Variants in SLC39A10 observed in about 807,000 individuals in gnomAD.
SLC39A10 encodes the protein solute carrier family 39 member 10, also known as zinc transporter ZIP10.
A neutral mutation model predicts 65.1 loss-of-function variants in SLC39A10; 13 were observed. The ratio of observed to expected loss-of-function variants is 0.20; its 90% CI spans 0.13 to 0.32. The LOEUF is 0.32. Among genes scored for constraint, SLC39A10 ranks in the 10% least tolerant of loss-of-function variants. SLC39A10 has a pLI of 1.00. For synonymous variants in SLC39A10, 321 were observed against 342.2 expected, an observed-to-expected ratio of 0.94 and a Z score of 0.68; for missense variants, 831 against 1,018.4, an observed-to-expected ratio of 0.82 and a Z score of 2.50.
rs185161239 is a variant in SLC39A10 at position 195,666,123 on chromosome 2, A to G, written c.-12+8842A>G. 3.0e-4 allele frequency among the ~76,000 whole-genome samples: 46 copies of G among 152,292 alleles called. No individual in the cohort carries two copies. The East Asian group carries it at 7.9e-3, about 26-fold the overall frequency. ...GAATGTAGCTATATAAGAAAGGGGAATGTGGTCAAGACTCTATGTTCAAGA... is the reference window on the plus strand; with the variant it reads ...GAATGTAGCTATATAAGAAAGGGGAGTGTGGTCAAGACTCTATGTTCAAGA... On this transcript the variant is annotated intron_variant, in intron 1 of 9. Transcript: ENST00000359634.
chr2:195,722,850 C>G (rs1692094529), intron 8 of SLC39A10, among the ~76,000 whole-genome samples: 1 of 152,176 alleles, frequency 6.6e-6, no homozygotes, highest in South Asian at 2.1e-4. Context: ...GGAGGAAAAA[C>G]ATGTTTTCCA....
At chr2:195,640,090 C>T (rs575921035) in intron 2 of SLC39A10, among the ~76,000 whole-genome samples, 1 of 152,168 alleles carries the variant, frequency 6.6e-6, no homozygotes, top group African/African-American at 2.4e-5. Flanking sequence ...TCCTGTGACT[C>T]TTTCACATAC....
At chr2:195,647,964 C>A (rs959314525) in intron 2 of SLC39A10, among the ~76,000 whole-genome samples, 4 of 151,960 alleles carry the variant, frequency 2.6e-5, no homozygotes, top group Non-Finnish European at 4.4e-5. Context: ...GTAAATGTAC[C>A]TTTAATCCTC....
At chr2:195,618,345 C>T (rs1372506932) in intron 2 of SLC39A10, among the ~76,000 whole-genome samples, 2 of 136,726 alleles carry the variant, frequency 1.5e-5, no homozygotes, top group Admixed American at 1.5e-4. Context: ...AATGAGACTC[C>T]GTCTCACCAA....
At chr2:195,711,557 GTAACCTAAGATGAAAAGGTTA>G (rs1691602403) in intron 5 of SLC39A10, among the ~76,000 whole-genome samples, 1 of 152,208 alleles carries the variant, frequency 6.6e-6, no homozygotes, top group Non-Finnish European at 1.5e-5. Flanking sequence ...AGGACAATAA[GTAACCTAAGATGAAAAGGTTA>G]TGGCATTCTT....
intron 1 of SLC39A10, among the ~76,000 whole-genome samples, chr2:195,659,919 G>A (rs1689318287): frequency 6.6e-6 from 1 of 152,014 alleles, no homozygotes; most frequent in African/African-American, 2.4e-5. Flanking sequence ...GCCTTTGGGG[G>A]GGATACATTA....
intron 3 of SLC39A10, among the ~76,000 whole-genome samples, chr2:195,697,509 TTTG>T (rs1385607003): frequency 6.6e-6 from 1 of 152,114 alleles, no homozygotes; most frequent in Non-Finnish European, 1.5e-5. Context: ...GTCATAGGAT[TTTG>T]TTGTACAGAT....
chr2:195,702,104 G>C (rs1559041002), intron 3 of SLC39A10, among the ~76,000 whole-genome samples: 1 of 151,952 alleles, frequency 6.6e-6, no homozygotes, highest in Admixed American at 6.5e-5. Context: ...TCCCAAAAGA[G>C]AAAAAAAGAA....
intron 1 of SLC39A10, chr2:195,674,570 C>T (rs768526589): frequency 2.7e-5 from 27 of 985,238 alleles, no homozygotes; most frequent in African/African-American, 7.0e-5. Context: ...AACCACTGCA[C>T]CCGGCCTGCT....
intron 3 of SLC39A10, among the ~76,000 whole-genome samples, chr2:195,690,196 A>G (rs1042334475): frequency 2.1e-5 from 3 of 142,552 alleles, no homozygotes; most frequent in African/African-American, 7.4e-5. Context: ...AAAAAAAAAA[A>G]AAAGAAAGAA....
intron 1 of SLC39A10, among the ~76,000 whole-genome samples, chr2:195,677,039 A>G (rs1389670435): frequency 6.6e-6 from 1 of 152,222 alleles, no homozygotes; most frequent in African/African-American, 2.4e-5. Flanking sequence ...GTTTATAATT[A>G]CATTTTGTGA....
At chr2:195,701,617 G>C (rs1691198319) in intron 3 of SLC39A10, among the ~76,000 whole-genome samples, 1 of 148,626 alleles carries the variant, frequency 6.7e-6, no homozygotes, top group Admixed American at 6.7e-5. Flanking sequence ...TATTAATTTG[G>C]GTTGGGGAGG....
At chr2:195,698,028 A>G (rs1347623053) in intron 3 of SLC39A10, among the ~76,000 whole-genome samples, 1 of 151,196 alleles carries the variant, frequency 6.6e-6, no homozygotes, top group Non-Finnish European at 1.5e-5. Flanking sequence ...TTGTTAGTAT[A>G]TATAAAAATG....
chr2:195,686,655 C>T (rs1202651633), intron 3 of SLC39A10, among the ~76,000 whole-genome samples: 1 of 152,210 alleles, frequency 6.6e-6, no homozygotes, highest in African/African-American at 2.4e-5. Flanking sequence ...ACTATACAGG[C>T]ACTTCTGTTT....
In SLC39A10 at chr2:195,718,955, T is replaced by C. The variant is rs564393638; in HGVS notation, c.2146+623T>C. Among the ~76,000 whole-genome samples, 13 of 152,112 alleles carry C rather than the reference T, an allele frequency of 8.5e-5. No individual in the cohort carries two copies. In the South Asian group the frequency reaches 2.7e-3, roughly 32 times the overall value. On this transcript the variant is annotated intron_variant, in intron 8 of 9. Coordinates refer to ENST00000359634, the MANE Select transcript of SLC39A10 (RefSeq NM_020342.3). ...TTTCATTTTATATATTTTAATATTA[T>C]AATCTTAATACCCAAAAATCTAGTA...
At chr2:195,716,303 A>G (rs555358937) in intron 6 of SLC39A10, among the ~76,000 whole-genome samples, 5 of 152,236 alleles carry the variant, frequency 3.3e-5, no homozygotes, top group Middle Eastern at 6.8e-3. Flanking sequence ...CCGAACTTTT[A>G]TCTTCATGCT....
At chr2:195,729,741 A>C (rs370167001) in intron 9 of SLC39A10, among the ~76,000 whole-genome samples, 1 of 151,894 alleles carries the variant, frequency 6.6e-6, no homozygotes, top group Non-Finnish European at 1.5e-5. Flanking sequence ...CTTAGTTCCA[A>C]CTTCCCCTTT....
At chr2:195,625,123 A>G (rs879814399) in intron 2 of SLC39A10, among the ~76,000 whole-genome samples, 3 of 149,600 alleles carry the variant, frequency 2.0e-5, no homozygotes, top group Admixed American at 6.7e-5. Context: ...AGGCTGAGGC[A>G]TGAGAATCGC....
intron 8 of SLC39A10, among the ~76,000 whole-genome samples, chr2:195,725,304 A>C (rs1692195387): frequency 6.6e-6 from 1 of 152,178 alleles, no homozygotes; most frequent in African/African-American, 2.4e-5. Flanking sequence ...AAAACTCTTC[A>C]CAAAAGACAG....
Sources: allele counts gnomAD v4.1 joint callset (sites outside exome capture counted in the v4.1 genomes callset), GRCh38; gene constraint gnomAD v4.1.1; transcripts MANE v1.5; gene names NCBI Gene and HGNC (gene_info 2026-07-23, HGNC 2026-07-21).